Variants in SMARCE1 observed in about 807,000 individuals in gnomAD.
SMARCE1 encodes the protein SWI/SNF-related matrix-associated actin-dependent regulator of chromatin subfamily E member 1.
SMARCE1 carries 13 observed loss-of-function variants against 54.9 expected under a neutral mutation model. The observed-to-expected ratio is 0.24, with a 90% CI of 0.15 to 0.38. SMARCE1 has a LOEUF of 0.38. Among genes scored for constraint, SMARCE1 ranks in the 10% least tolerant of loss-of-function variants. SMARCE1 has a pLI of 1.00. For synonymous variants in SMARCE1, 151 were observed against 175.3 expected, an observed-to-expected ratio of 0.86 and a Z score of 1.10; for missense variants, 295 against 523.8, an observed-to-expected ratio of 0.56 and a Z score of 4.26.
rs752887372 is a variant in SMARCE1 at position 40,636,367 on chromosome 17, T to C, written c.369+28A>G. ...AATGTTTTATGTACTTTACACATTA[T>C]CTATCCCACTGTGAGCCCCTACCCT... On this transcript the variant is annotated intron_variant, in intron 6 of 10. Transcript: ENST00000348513. 18 of 1,601,144 alleles carry C rather than the reference T, an allele frequency of 1.1e-5. No individual in the cohort carries two copies. The East Asian group carries it at 4.0e-4, about 36-fold the overall frequency.
At position 40,645,805 on chromosome 17, in the gene SMARCE1, TG is replaced by T; in HGVS notation, c.-4del. On this transcript the variant is annotated 5_prime_UTR_variant, in exon 2 of 11. Coordinates refer to ENST00000348513, the MANE Select transcript of SMARCE1 (RefSeq NM_003079.5). The stretch of plus-strand genomic sequence containing the variant: ...AAAAATTGAAACTTACTTGACATTT[TG>T]GAAGATTAAGTTCTCAGTTCCTTAA... The T allele has an allele frequency of 8.6e-7, 1 of 1,161,674 alleles. No homozygotes were observed. 72.0% of individuals were successfully genotyped at this position (1,161,674 alleles called of 1,614,324 possible).
rs1430611904 is a variant in SMARCE1, at chr17:40,630,807, C to T, written c.934G>A (p.Glu312Lys). 1 of 1,614,016 alleles carries T rather than the reference C, an allele frequency of 6.2e-7. No homozygotes were observed. The highest frequency in any genetic ancestry group is 8.5e-7 in the Non-Finnish European group (1 of 1,180,042). The change falls in exon 10 of 11, where the codon GAG becomes AAG. Residue 312 changes from glutamate to lysine, a missense_variant. Coordinates refer to ENST00000348513, the MANE Select transcript of SMARCE1 (RefSeq NM_003079.5). ...EREKEAAEQA[E>K]RSQSSIVPEE... is the part of the protein sequence containing the mutation. ...GGAACGATGCTGCTCTGACTGCGCTCAGCTTGCTCTGCGGCCTCCTTCTCC... is the reference window on the plus strand; with the variant it reads ...GGAACGATGCTGCTCTGACTGCGCTTAGCTTGCTCTGCGGCCTCCTTCTCC...
chr17:40,646,845 G>A (rs1183363218), intron 1 of SMARCE1, among the ~76,000 whole-genome samples: 3 of 152,130 alleles, frequency 2.0e-5, no homozygotes, highest in Admixed American at 6.5e-5. Flanking sequence ...AAATTCCCTG[G>A]AGCATAAGGA....
intron 3 of SMARCE1, chr17:40,643,877 G>A (rs1597750768): frequency 6.6e-6 from 1 of 152,348 alleles, no homozygotes; most frequent in East Asian, 1.9e-4. Flanking sequence ...GCATATTTAA[G>A]TAGGCAAAAC....
At chr17:40,630,455 G>A (rs535327396) in intron 10 of SMARCE1, 36 of 631,178 alleles carry the variant, frequency 5.7e-5, no homozygotes, top group Non-Finnish European at 9.4e-5. Flanking sequence ...GGGCAGGATT[G>A]GCTTACAGGT....
At position 40,625,857 on chromosome 17, in the gene SMARCE1, C is replaced by T. The variant is rs2037029648; in HGVS notation, c.*2928G>A. ...TTTATAGAATAGATAATTATCACAT[C>T]CTGTAGGAGAGCCATTTGAAAAGAC... is the stretch of plus-strand genomic sequence containing the variant. On this transcript the variant is annotated 3_prime_UTR_variant, in exon 11 of 11. Transcript: ENST00000348513. 6.6e-6 allele frequency: 1 copy of T among 152,184 alleles called. No homozygotes were observed. 9.4% of individuals were successfully genotyped at this position (152,184 alleles called of 1,614,324 possible).
intron 1 of SMARCE1, among the ~76,000 whole-genome samples, chr17:40,646,289 C>T (rs1269398778): frequency 6.6e-6 from 1 of 152,158 alleles, no homozygotes; most frequent in African/African-American, 2.4e-5. Flanking sequence ...AATTAGGCAG[C>T]ATTTTATTCC....
In SMARCE1 at chr17:40,636,041, T is replaced by C; in HGVS notation, c.431A>G (p.Asn144Ser). Reference protein sequence around the residue: ...HNSPAYLAYINAKSRAEAALE... With the variant: ...HNSPAYLAYISAKSRAEAALE... The stretch of plus-strand genomic sequence containing the variant: ...AGCAGCTTCTGCACGACTTTTTGCA[T>C]TTATGTAAGCAAGGTACGCGGGGGA... The change falls in exon 7 of 11, where the codon AAT becomes AGT. Residue 144 changes from asparagine (N) to serine (S), a missense_variant. Asn to Ser is a conservative substitution (Grantham distance 46). Coordinates refer to ENST00000348513, the MANE Select transcript of SMARCE1 (RefSeq NM_003079.5). 6.2e-7 allele frequency: 1 copy of C among 1,613,806 alleles called. No homozygotes were observed. Among genetic ancestry groups the C allele is most frequent in the Non-Finnish European group, 8.5e-7 (1 of 1,179,826 alleles).
rs769584665 is a variant in SMARCE1 at position 40,630,919 on chromosome 17, G to A, written c.822C>T (p.Cys274=). 6.2e-6 allele frequency: 10 copies of A among 1,610,378 alleles called. No homozygotes were observed. The highest frequency in any genetic ancestry group is 8.5e-6 in the Non-Finnish European group (10 of 1,178,508). The change falls in exon 10 of 11, where the codon TGC becomes TGT. Residue 274 remains cysteine, a synonymous_variant. Coordinates refer to ENST00000348513, the MANE Select transcript of SMARCE1 (RefSeq NM_003079.5). ...CCATATCCACTTCTACTTTCAGACC[G>A]CACAACTAATCAGAAAAAAACAGAA... ...DSFNNELKRL[C]GLKVEVDMEK...
Position 40,631,701 on chromosome 17 carries a change from A to G in SMARCE1, c.715-8T>C. ...TTCAGCTTCTAGTTTTCGCTGCAAG[A>G]CAGGATCAGGCTTCATAATTGTGTC... On this transcript the variant is annotated splice_polypyrimidine_tract_variant and splice_region_variant and intron_variant, in intron 8 of 10. Coordinates refer to ENST00000348513, the MANE Select transcript of SMARCE1 (RefSeq NM_003079.5). 6.6e-7 allele frequency: 1 copy of G among 1,509,876 alleles called. No individual in the cohort carries two copies. Among genetic ancestry groups the G allele is most frequent in the South Asian group, 1.1e-5 (1 of 88,882 alleles). The allele number at this position is 1,509,876 out of a possible 1,614,324, so 93.5% of individuals were successfully genotyped here.
intron 10 of SMARCE1, chr17:40,629,458 G>A (rs2037068487): frequency 2.2e-6 from 2 of 928,326 alleles, no homozygotes; most frequent in African/African-American, 3.5e-5. Context: ...GTTGGACAGT[G>A]AATGAGAGTT....
At chr17:40,633,815 T>C (rs1466690467) in intron 7 of SMARCE1, 1 of 152,244 alleles carries the variant, frequency 6.6e-6, no homozygotes, top group Non-Finnish European at 1.5e-5. Context: ...GTAACCTTTC[T>C]ACTTTTTAAG....
At position 40,628,878 on chromosome 17, in the gene SMARCE1, T is replaced by G. The variant is rs1555605081; in HGVS notation, c.1143A>C (p.Gly381=). 1 of 1,613,936 alleles carries G rather than the reference T, an allele frequency of 6.2e-7. No individual in the cohort carries two copies. The highest frequency in any genetic ancestry group is 8.5e-7 in the Non-Finnish European group (1 of 1,179,854). The change falls in exon 11 of 11, where the codon GGA becomes GGC. Residue 381 remains glycine (G), a synonymous_variant. Transcript: ENST00000348513. ...QEGVDSMAEE[G]TSDSNTGSES... is the part of the protein sequence containing the mutation. ...CCGAGCCAGTGTTACTATCACTGGT[T>G]CCTTCCTCTGCCATACTGTCGACCC... is the stretch of plus-strand genomic sequence containing the variant.
intron 10 of SMARCE1, chr17:40,630,178 T>C (rs771596688): frequency 3.6e-6 from 4 of 1,107,962 alleles, no homozygotes; most frequent in Middle Eastern, 2.6e-4. Context: ...GTAAGTTTTA[T>C]TTATACAAGT....
At chr17:40,633,464 C>G (rs150391813) in intron 7 of SMARCE1, 1 of 152,076 alleles carries the variant, frequency 6.6e-6, no homozygotes, top group Admixed American at 6.5e-5. Context: ...AAAGAGCTTT[C>G]TCTTTAGTAA....
rs1330289646 is a variant in SMARCE1 at position 40,626,489 on chromosome 17, G to C, written c.*2296C>G. The C allele has an allele frequency of 6.6e-6, 1 of 152,104 alleles. No homozygotes were observed. The highest frequency in any genetic ancestry group is 1.5e-5 in the Non-Finnish European group (1 of 68,048). 9.4% of individuals were successfully genotyped at this position (152,104 alleles called of 1,614,324 possible). A position where few individuals can be genotyped will look rare whatever the true frequency, so the allele number is the denominator to read the frequency against. On this transcript the variant is annotated 3_prime_UTR_variant, in exon 11 of 11. Transcript: ENST00000348513. ...CCATATCCCACATTCTCTAAACTGA[G>C]AACCATCTCAAACATCAAGTCTACA...
chr17:40,629,549 A>G (rs1272035726), intron 10 of SMARCE1: 1 of 1,221,342 alleles, frequency 8.2e-7, no homozygotes. Flanking sequence ...ACTTTGTTTA[A>G]AGTCATGCTG....
chr17:40,643,287 A>G (rs1029730083), intron 3 of SMARCE1: 1 of 152,196 alleles, frequency 6.6e-6, no homozygotes, highest in African/African-American at 2.4e-5. Flanking sequence ...TTCTTCTTTG[A>G]TCCATCTTCC....
intron 9 of SMARCE1, chr17:40,631,390 C>G (rs1179440848): frequency 1.9e-6 from 1 of 526,282 alleles, no homozygotes; most frequent in African/African-American, 1.9e-5. Flanking sequence ...TGTGTATACT[C>G]TATGATATTT....
Sources: allele counts gnomAD v4.1 joint callset (sites outside exome capture counted in the v4.1 genomes callset), GRCh38; gene constraint gnomAD v4.1.1; transcripts MANE v1.5; gene names NCBI Gene and HGNC (gene_info 2026-07-23, HGNC 2026-07-21).